The following GAS7 variants were observed in gnomAD, a reference collection of about 807,000 sequenced individuals.
GAS7 encodes growth arrest-specific protein 7.
GAS7 carries 28 observed loss-of-function variants against 71.1 expected under a neutral mutation model. The observed-to-expected ratio is 0.39, with a 90% CI of 0.29 to 0.54. The LOEUF is 0.54. Ranked by LOEUF, GAS7 falls within the 20% of genes least tolerant of loss-of-function variation. The pLI, the probability that GAS7 is intolerant of heterozygous loss-of-function variation, is 0.62. For missense variants in GAS7, 436 were observed against 627.8 expected (o/e 0.69, Z 3.27); for synonymous variants, 258 against 245.8 (o/e 1.05, Z -0.46).
At position 9,964,156 on chromosome 17, in the gene GAS7, C is replaced by G. The variant is rs1165150620; in HGVS notation, c.472-4901G>C. ...CTTCCATTTATTTTGTAAAGGCCTG[C>G]CCAGGGGTCAGGACACCCCACCTGG... On this transcript the variant is annotated intron_variant, in intron 4 of 13. Coordinates refer to ENST00000432992, the MANE Select transcript of GAS7 (RefSeq NM_201433.2). Among the ~76,000 whole-genome samples the G allele has an allele frequency of 3.3e-5, 5 of 152,208 alleles. 1 individual carries two copies. The highest frequency in any genetic ancestry group is 2.1e-4 in the South Asian group (1 of 4,804).
In GAS7 at chr17:9,919,794, C is replaced by T; in HGVS notation, c.1139-89G>A. On this transcript the variant is annotated intron_variant, in intron 11 of 13. Coordinates refer to ENST00000432992, the MANE Select transcript of GAS7 (RefSeq NM_201433.2). The surrounding 1 kb of genome is among the most constrained non-coding windows in gnomAD (Gnocchi z 5.0). Reference sequence around the variant, plus strand: ...CCTGAGCCCCACAGCCAAGCCTTCTCCTCCCCCTGGGGTCATGGTGGCCGC... The same window carrying T: ...CCTGAGCCCCACAGCCAAGCCTTCTTCTCCCCCTGGGGTCATGGTGGCCGC... The T allele has an allele frequency of 1.0e-6, 1 of 969,714 alleles. No individual in the cohort carries two copies. The highest frequency in any genetic ancestry group is 1.7e-5 in the Admixed American group (1 of 58,738). The allele number at this position is 969,714 out of a possible 1,614,324, so 60.1% of individuals were successfully genotyped here.
At chr17:10,118,539 C>T (rs1295391661) in intron 1 of GAS7, among the ~76,000 whole-genome samples, 6 of 152,046 alleles carry the variant, frequency 3.9e-5, no homozygotes, top group African/African-American at 7.2e-5. Context: ...GGTAAAACCC[C>T]GTCTCTACTA....
chr17:10,137,861 A>G (rs2074050841), intron 1 of GAS7, among the ~76,000 whole-genome samples: 1 of 151,958 alleles, frequency 6.6e-6, no homozygotes. Context: ...TTCTTAATAA[A>G]TATTTGTTGG....
chr17:9,990,550 G>A (rs75057896), intron 2 of GAS7, among the ~76,000 whole-genome samples: 4,214 of 152,278 alleles, frequency 0.028, 189 homozygotes, highest in African/African-American at 0.095. Flanking sequence ...GGCCATCTTG[G>A]AAGGCTCCTA....
chr17:10,120,968 G>A (rs886537603), intron 1 of GAS7, among the ~76,000 whole-genome samples: 5 of 152,236 alleles, frequency 3.3e-5, no homozygotes, highest in African/African-American at 9.6e-5. Context: ...AGGTGGGCAC[G>A]CAGATGAGTT....
At chr17:10,164,116 C>A (rs1190980371) in intron 1 of GAS7, among the ~76,000 whole-genome samples, 1 of 152,110 alleles carries the variant, frequency 6.6e-6, no homozygotes, top group Non-Finnish European at 1.5e-5. Context: ...CCTCCCTGCC[C>A]CGTTAATTTT....
chr17:9,992,965 T>C (rs1043160694), intron 2 of GAS7, among the ~76,000 whole-genome samples: 2 of 151,984 alleles, frequency 1.3e-5, no homozygotes, highest in African/African-American at 4.8e-5. Context: ...TAGTATTCCA[T>C]GGTGTATATG....
Position 10,060,211 on chromosome 17 carries a change from G to A in GAS7, c.184-40314C>T, listed in dbSNP as rs115976613. On this transcript the variant is annotated intron_variant, in intron 1 of 13. Transcript: ENST00000432992. ...CTGGTGCTTTAGTAAGGGTGCTTCT[G>A]GAAACAAGGCTGGCCTTCTGCCACT... 6.0e-3 allele frequency among the ~76,000 whole-genome samples: 909 copies of A among 152,360 alleles called. 12 individuals carry two copies. Among genetic ancestry groups the A allele is most frequent in the African/African-American group, 0.02 (851 of 41,576 alleles).
intron 1 of GAS7, among the ~76,000 whole-genome samples, chr17:10,079,377 A>G (rs142517633): frequency 2.5e-4 from 38 of 152,356 alleles, no homozygotes; most frequent in African/African-American, 8.2e-4. Flanking sequence ...GGTTCAGATC[A>G]TGAAGGGAAA....
chr17:9,974,796 A>G lies in GAS7; in HGVS notation c.386-5034T>C, dbSNP rs1212531186. 6.6e-6 allele frequency among the ~76,000 whole-genome samples: 1 copy of G among 152,128 alleles called. No homozygotes were observed. The highest frequency in any genetic ancestry group is 2.4e-5 in the African/African-American group (1 of 41,438). The stretch of plus-strand genomic sequence containing the variant: ...GAAAGGCGAATATGAAAAGTTATCG[A>G]GAAAGGCCAAGCAACAAAGAAGCGC... On this transcript the variant is annotated intron_variant, in intron 3 of 13. Coordinates refer to ENST00000432992, the MANE Select transcript of GAS7 (RefSeq NM_201433.2). This position sits in a 1 kb window ranked among gnomAD's most constrained non-coding sequence, Gnocchi z 4.0.
intron 1 of GAS7, among the ~76,000 whole-genome samples, chr17:10,057,596 C>T (rs987214225): frequency 3.8e-4 from 58 of 151,112 alleles, no homozygotes; most frequent in Admixed American, 1.8e-3. Flanking sequence ...GGGCAGCCCC[C>T]GCCCGGCCAG....
At chr17:10,012,485 A>T (rs2071814067) in intron 2 of GAS7, among the ~76,000 whole-genome samples, 1 of 151,434 alleles carries the variant, frequency 6.6e-6, no homozygotes, top group African/African-American at 2.4e-5. Flanking sequence ...ACGGGGTTTC[A>T]CCATGGTCCC....
intron 4 of GAS7, among the ~76,000 whole-genome samples, chr17:9,967,382 C>T (rs9909566): frequency 0.2 from 30,150 of 151,498 alleles, 3,284 homozygotes; most frequent in Middle Eastern, 0.29. Flanking sequence ...AGATACTCAG[C>T]GTCATCCCTG....
At chr17:10,163,743 T>A (rs1445683135) in intron 1 of GAS7, among the ~76,000 whole-genome samples, 1 of 151,874 alleles carries the variant, frequency 6.6e-6, no homozygotes, top group African/African-American at 2.4e-5. Context: ...ACTTTCCCCA[T>A]GGGGCGGCTT....
At chr17:10,157,013 G>A (rs1304837248) in intron 1 of GAS7, among the ~76,000 whole-genome samples, 1 of 152,090 alleles carries the variant, frequency 6.6e-6, no homozygotes, top group East Asian at 1.9e-4. Flanking sequence ...CCAGGCCTTG[G>A]TCGGTGGCTC....
At chr17:10,178,116 G>A (rs1356159840) in intron 1 of GAS7, among the ~76,000 whole-genome samples, 1 of 152,208 alleles carries the variant, frequency 6.6e-6, no homozygotes, top group East Asian at 1.9e-4. Context: ...TCCCCTGGGA[G>A]TGTATGTGGC....
At chr17:10,172,644 T>C (rs2142132880) in intron 1 of GAS7, among the ~76,000 whole-genome samples, 1 of 152,380 alleles carries the variant, frequency 6.6e-6, no homozygotes, top group African/African-American at 2.4e-5. Flanking sequence ...TCACATTCTG[T>C]GGCTTGCGCC....
At chr17:9,987,795 T>C (rs2070699294) in intron 2 of GAS7, among the ~76,000 whole-genome samples, 1 of 152,258 alleles carries the variant, frequency 6.6e-6, no homozygotes, top group African/African-American at 2.4e-5. Context: ...AATAGTCACT[T>C]CCGGGCTTCA....
At chr17:10,130,347 AAC>A (rs1422869569) in intron 1 of GAS7, among the ~76,000 whole-genome samples, 27 of 150,646 alleles carry the variant, frequency 1.8e-4, no homozygotes, top group Admixed American at 1.7e-3. Flanking sequence ...AAAAAAAAAA[AAC>A]GTAGATAATT....
Sources: gnomAD v4.1 joint callset for allele counts (sites outside exome capture counted in the v4.1 genomes callset) on GRCh38, gnomAD v4.1.1 for gene constraint, Gnocchi (gnomAD v3.1) non-coding constraint, MANE v1.5 for transcripts, NCBI Gene and HGNC (gene_info 2026-07-23, HGNC 2026-07-21) for gene names.